The following KCNK17 variants were observed in gnomAD, a reference collection of about 807,000 sequenced individuals.
KCNK17 encodes potassium two pore domain channel subfamily K member 17, also known as potassium channel subfamily K member 17.
Under a neutral mutation model 24.6 loss-of-function variants are expected in KCNK17, and 27 were observed. The ratio of observed to expected loss-of-function variants is 1.10; its 90% CI spans 0.81 to 1.51. The LOEUF (loss-of-function observed/expected upper bound fraction) is 1.51, where lower values mean the gene tolerates loss of function less well. Among genes scored for constraint, KCNK17 ranks in the 40% most tolerant of loss-of-function variants. The pLI is 0.00. For missense variants in KCNK17, 450 were observed against 436.6 expected (o/e 1.03, Z -0.27); for synonymous variants, 181 against 189.8 (o/e 0.95, Z 0.38).
chr6:39,312,757 CT>C (rs1159238932), intron 1 of KCNK17, among the ~76,000 whole-genome samples: 5 of 152,308 alleles, frequency 3.3e-5, no homozygotes, highest in Non-Finnish European at 5.9e-5. Context: ...GCCCAGGCTG[CT>C]TGTAGTCGAA....
At position 39,304,120 on chromosome 6, in the gene KCNK17, C is replaced by T. The variant is rs1438338917; in HGVS notation, c.525G>A (p.Lys175=). ...CGCCAGAGCCCGCCAGCCACCGCGCCTTGTCAGGATCCTGTGGGTGCAACA... is the reference window on the plus strand; with the variant it reads ...CGCCAGAGCCCGCCAGCCACCGCGCTTTGTCAGGATCCTGTGGGTGCAACA... ...RLGGTWQDPD[K]ARWLAGSGAL... is the part of the protein sequence containing the mutation. Residue 175 remains lysine (K), a synonymous_variant, in exon 4 of 5, where the codon AAG becomes AAA. Coordinates refer to ENST00000373231, the MANE Select transcript of KCNK17 (RefSeq NM_031460.4). 6.2e-7 allele frequency: 1 copy of T among 1,608,610 alleles called. No homozygotes were observed. The highest frequency in any genetic ancestry group is 2.2e-5 in the East Asian group (1 of 44,874).
chr6:39,306,454 G>A (rs973349346), intron 2 of KCNK17, among the ~76,000 whole-genome samples: 8 of 152,218 alleles, frequency 5.3e-5, no homozygotes, highest in Admixed American at 6.5e-5. Flanking sequence ...GTGAATGAAT[G>A]AATGAGGAAA....
intron 2 of KCNK17, among the ~76,000 whole-genome samples, chr6:39,308,087 C>G (rs1357074673): frequency 2.0e-5 from 3 of 152,176 alleles, no homozygotes; most frequent in Middle Eastern, 3.2e-3. Flanking sequence ...CTTTAACTAG[C>G]TTTACTTTTC....
intron 3 of KCNK17, 130 bp from the exon 4 acceptor site, chr6:39,304,261 G>T (rs1467830071): frequency 3.8e-5 from 36 of 952,280 alleles, no homozygotes; most frequent in Non-Finnish European, 5.4e-5. Flanking sequence ...TGTTCTCCAG[G>T]TTCCCTGCCT....
intron 2 of KCNK17, among the ~76,000 whole-genome samples, chr6:39,307,178 G>A (rs372195246): frequency 6.6e-6 from 1 of 152,150 alleles, no homozygotes; most frequent in Non-Finnish European, 1.5e-5. Context: ...CACCTACAGT[G>A]GGGGGTAATG....
In KCNK17 at chr6:39,310,852, C is replaced by T. The variant is rs757851281; in HGVS notation, c.352+41G>A. On this transcript the variant is annotated intron_variant, in intron 2 of 4. Transcript: ENST00000373231. ...CTGTTGCCTCTCAGGGAGCTGCCTC[C>T]TTCCCCCACCCCCATCCCCCTGGCC... 51 of 1,341,542 alleles carry T rather than the reference C, an allele frequency of 3.8e-5. No homozygotes were observed. In the South Asian group the frequency reaches 6.5e-4, roughly 17 times the overall value. The allele number at this position is 1,341,542 out of a possible 1,614,324, so 83.1% of individuals were successfully genotyped here.
chr6:39,299,710 A>T lies in KCNK17; in HGVS notation c.716T>A (p.Leu239Gln). 1.9e-6 allele frequency: 3 copies of T among 1,614,142 alleles called. No homozygotes were observed. Among genetic ancestry groups the T allele is most frequent in the Non-Finnish European group, 2.5e-6 (3 of 1,179,982 alleles). ...CAGGGACACCATGTTCTTGTACCAC[A>T]GTGGGTACCTCTGGGAGGGGTTCAT... ...IGMNPSQRYPLWYKNMVSLWI... is the reference protein window; with the variant it reads ...IGMNPSQRYPQWYKNMVSLWI... Residue 239 changes from leucine to glutamine, a missense_variant, in exon 5 of 5, where the codon CTG (leucine) becomes CAG (glutamine). Transcript: ENST00000373231.
Position 39,310,881 on chromosome 6 carries a change from TCTG to T in KCNK17, c.352+9_352+11del. 4 of 692,906 alleles carry T rather than the reference TCTG, an allele frequency of 5.8e-6. No homozygotes were observed. Among genetic ancestry groups the T allele is most frequent in the Non-Finnish European group, 1.0e-5 (4 of 396,596 alleles). The allele number at this position is 692,906 out of a possible 1,614,324, so 42.9% of individuals were successfully genotyped here. On this transcript the variant is annotated intron_variant, in intron 2 of 4. Coordinates refer to ENST00000373231, the MANE Select transcript of KCNK17 (RefSeq NM_031460.4). Reference sequence around the variant, plus strand: ...CCCCACCCCCATCCCCCTGGCCCCATCTGGCCCTTACCAATGGTGGTGATGGTG... The same window carrying T: ...CCCCACCCCCATCCCCCTGGCCCCATGCCCTTACCAATGGTGGTGATGGTG...
At chr6:39,301,359 G>C (rs542866107) in intron 4 of KCNK17, among the ~76,000 whole-genome samples, 1 of 152,278 alleles carries the variant, frequency 6.6e-6, no homozygotes, top group East Asian at 1.9e-4. Flanking sequence ...TGTCCTGCTG[G>C]CCCCAAGACA....
intron 4 of KCNK17, chr6:39,300,437 TTA>T (rs930491192): frequency 3.3e-6 from 5 of 1,519,142 alleles, no homozygotes; most frequent in Non-Finnish European, 4.5e-6. Context: ...AATCTGTATT[TTA>T]ACAAGCCCCC....
At chr6:39,311,471 T>C (rs1762138560) in intron 1 of KCNK17, among the ~76,000 whole-genome samples, 1 of 152,156 alleles carries the variant, frequency 6.6e-6, no homozygotes, top group Admixed American at 6.5e-5. Flanking sequence ...CTTTGGGCAT[T>C]AAGGAGGAAG....
chr6:39,307,866 C>T (rs934882876), intron 2 of KCNK17, among the ~76,000 whole-genome samples: 10 of 152,206 alleles, frequency 6.6e-5, no homozygotes, highest in African/African-American at 2.2e-4. Context: ...ACCCTCTCCA[C>T]CTACCTGGAC....
At chr6:39,300,303 A>G (rs1761930207) in intron 4 of KCNK17, 6 of 640,840 alleles carry the variant, frequency 9.4e-6, no homozygotes, top group Admixed American at 2.4e-5. Flanking sequence ...TTTGTATTTT[A>G]GTAGAGACGG....
chr6:39,313,331 G>A (rs1007843862), intron 1 of KCNK17, among the ~76,000 whole-genome samples: 2 of 152,206 alleles, frequency 1.3e-5, no homozygotes, highest in Non-Finnish European at 2.9e-5. Flanking sequence ...GGGCAGCCGC[G>A]CGGCGGCGGC....
chr6:39,304,444 C>A (rs770529672), intron 3 of KCNK17, 51 bp downstream of exon 3: 2 of 1,494,680 alleles, frequency 1.3e-6, no homozygotes, highest in South Asian at 2.3e-5. Flanking sequence ...CCCACCACAG[C>A]CCCTCATTCT....
At chr6:39,311,949 T>C (rs1762148024) in intron 1 of KCNK17, among the ~76,000 whole-genome samples, 1 of 145,694 alleles carries the variant, frequency 6.9e-6, no homozygotes, top group African/African-American at 2.4e-5. Flanking sequence ...CCAAGGTCAC[T>C]GAGCAAAGGG....
At chr6:39,310,825 G>T in intron 2 of KCNK17, 68 bp downstream of exon 2, 1 of 1,066,694 alleles carries the variant, frequency 9.4e-7, no homozygotes, top group Non-Finnish European at 1.3e-6. Flanking sequence ...AAGGCAACTA[G>T]CCTGTTGCCT....
rs2113832955 is a variant in KCNK17, at chr6:39,299,579, C to T, written c.847G>A (p.Glu283Lys). Residue 283 changes from glutamate to lysine, a missense_variant, in exon 5 of 5, where the codon GAA (glutamate) becomes AAA (lysine). By Grantham distance (56) the Glu-to-Lys change is moderately conservative. Transcript: ENST00000373231. ...VCSCCHHSSK[E>K]DFKSQSWRQG... ...CTCCAGCTTTGGGACTTGAAGTCTT[C>T]CTTAGAGCTGTGGTGGCAGCAGGAA... 1.2e-6 allele frequency: 2 copies of T among 1,614,134 alleles called. No individual in the cohort carries two copies.
chr6:39,299,173 A>T lies in KCNK17; in HGVS notation c.*254T>A. 2.0e-6 allele frequency: 1 copy of T among 491,392 alleles called. No individual in the cohort carries two copies. Among genetic ancestry groups the T allele is most frequent in the Non-Finnish European group, 3.6e-6 (1 of 275,778 alleles). The allele number at this position is 491,392 out of a possible 1,614,324, so 30.4% of individuals were successfully genotyped here. On this transcript the variant is annotated 3_prime_UTR_variant, in exon 5 of 5. Transcript: ENST00000373231. ...CGTATGGCTGCCAGAGCTCCCAGCC[A>T]TCATATCGGCGGCATTGCAGCCCGC... is the stretch of plus-strand genomic sequence containing the variant.
Sources: gnomAD v4.1 joint callset for allele counts (sites outside exome capture counted in the v4.1 genomes callset) on GRCh38, gnomAD v4.1.1 for gene constraint, MANE v1.5 for transcripts, NCBI Gene and HGNC (gene_info 2026-07-23, HGNC 2026-07-21) for gene names.